The following NFIA variants were observed in gnomAD, a reference collection of about 807,000 sequenced individuals.
NFIA encodes nuclear factor 1 A-type.
Under a neutral mutation model 62.8 loss-of-function variants are expected in NFIA, and 8 were observed. The observed-to-expected ratio is 0.13, with a 90% CI of 0.07 to 0.23. The LOEUF (loss-of-function observed/expected upper bound fraction) is 0.23, where lower values mean the gene tolerates loss of function less well. NFIA is among the 10% of genes least tolerant of loss of function. The pLI is 1.00. For synonymous variants in NFIA, 235 were observed against 238.1 expected (o/e 0.99, Z 0.12); for missense variants, 410 against 642.1 (o/e 0.64, Z 3.91).
chr1:61,345,929 G>A (rs1662206207), intron 4 of NFIA, among the ~76,000 whole-genome samples: 1 of 152,154 alleles, frequency 6.6e-6, no homozygotes, highest in Admixed American at 6.5e-5. Context: ...GGTGATGGTG[G>A]CAGCAGTGGT....
At chr1:61,124,504 G>A (rs530782416) in intron 2 of NFIA, among the ~76,000 whole-genome samples, 88 of 152,242 alleles carry the variant, frequency 5.8e-4, no homozygotes, top group South Asian at 1.2e-3. Flanking sequence ...CATGCAAGAG[G>A]AGCAGGCATT....
At chr1:61,104,534 T>C (rs1425849725) in intron 2 of NFIA, among the ~76,000 whole-genome samples, 1 of 152,038 alleles carries the variant, frequency 6.6e-6, no homozygotes, top group Non-Finnish European at 1.5e-5. Flanking sequence ...TGATTGTAGG[T>C]AACATAAGCC....
chr1:61,422,484 T>C (rs892388226), intron 9 of NFIA, among the ~76,000 whole-genome samples: 6 of 152,170 alleles, frequency 3.9e-5, no homozygotes, highest in Non-Finnish European at 5.9e-5. Context: ...TTTGCAGATA[T>C]ATCCCTTATA....
intron 2 of NFIA, among the ~76,000 whole-genome samples, chr1:61,179,857 C>A (rs1344502367): frequency 6.6e-6 from 1 of 152,046 alleles, no homozygotes; most frequent in Non-Finnish European, 1.5e-5. Flanking sequence ...GATTTACAAC[C>A]CCATATATCA....
intron 7 of NFIA, among the ~76,000 whole-genome samples, chr1:61,400,300 A>G (rs1182844544): frequency 1.3e-5 from 2 of 152,138 alleles, no homozygotes; most frequent in African/African-American, 4.8e-5. Flanking sequence ...CATCTTATTT[A>G]TATTCTTTGT....
intron 10 of NFIA, among the ~76,000 whole-genome samples, chr1:61,445,993 T>A (rs1667792453): frequency 6.6e-6 from 1 of 151,718 alleles, no homozygotes; most frequent in South Asian, 2.1e-4. Flanking sequence ...CAGTTTTACC[T>A]CTCCCAATAT....
rs78020769 is a variant in NFIA, at chr1:61,112,295, C to G, written c.559+23615C>G. Among the ~76,000 whole-genome samples, 50 of 152,136 alleles carry G rather than the reference C, an allele frequency of 3.3e-4. 1 individual carries two copies. The East Asian group carries it at 9.5e-3, about 29-fold the overall frequency. On this transcript the variant is annotated intron_variant, in intron 2 of 10. Transcript: ENST00000403491. ...TAGTATACTTTTAAAATTGAACACA[C>G]ACAACACTTTGGTTCCTAAAGTAAT...
chr1:61,087,001 G>A lies in NFIA; in HGVS notation c.28-1148G>A, dbSNP rs540161425. The stretch of plus-strand genomic sequence containing the variant: ...GGGTTATGTGGCAGAGAGAAGTTAT[G>A]TAACAGTGTGGATTAGTTAATCAAA... On this transcript the variant is annotated intron_variant, in intron 1 of 10. Coordinates refer to ENST00000403491, the MANE Select transcript of NFIA (RefSeq NM_001134673.4). Among the ~76,000 whole-genome samples the A allele has an allele frequency of 1.4e-3, 212 of 152,248 alleles. 2 individuals are homozygous for A. In the Middle Eastern group the frequency reaches 0.017, roughly 12 times the overall value.
chr1:61,277,758 G>A (rs1164083836), intron 3 of NFIA, among the ~76,000 whole-genome samples, 173 bp downstream of exon 3: 1 of 151,986 alleles, frequency 6.6e-6, no homozygotes, highest in African/African-American at 2.4e-5. Context: ...TCTTGTTCTC[G>A]GGATCACCCC....
chr1:61,325,155 A>G (rs1660867634), intron 3 of NFIA, among the ~76,000 whole-genome samples: 1 of 152,168 alleles, frequency 6.6e-6, no homozygotes, highest in African/African-American at 2.4e-5. Context: ...TCAAAATGTA[A>G]ATCTTGGGAC....
chr1:61,160,312 A>G (rs1307194270), intron 2 of NFIA, among the ~76,000 whole-genome samples: 1 of 152,242 alleles, frequency 6.6e-6, no homozygotes, highest in Non-Finnish European at 1.5e-5. Flanking sequence ...TTAGATTCCT[A>G]GCCCCTTCCG....
At chr1:61,279,032 G>GAC (rs1657981027) in intron 3 of NFIA, among the ~76,000 whole-genome samples, 1 of 152,112 alleles carries the variant, frequency 6.6e-6, no homozygotes, top group African/African-American at 2.4e-5. Context: ...GGTTCATTAT[G>GAC]ACTTTTATTA....
At chr1:61,156,672 C>G (rs1478394603) in intron 2 of NFIA, among the ~76,000 whole-genome samples, 2 of 152,146 alleles carry the variant, frequency 1.3e-5, no homozygotes, top group Non-Finnish European at 2.9e-5. Flanking sequence ...TGACTGGTCC[C>G]CAGTGCCCTG....
At chr1:61,143,119 G>A (rs1647663950) in intron 2 of NFIA, among the ~76,000 whole-genome samples, 1 of 152,148 alleles carries the variant, frequency 6.6e-6, no homozygotes, top group Non-Finnish European at 1.5e-5. Context: ...AGAAGAACAA[G>A]CTTTTTGGGG....
intron 2 of NFIA, among the ~76,000 whole-genome samples, chr1:61,161,814 A>G (rs1200923395): frequency 6.6e-6 from 1 of 152,196 alleles, no homozygotes; most frequent in Non-Finnish European, 1.5e-5. Flanking sequence ...GGTGTTCACT[A>G]TATTGGAACG....
intron 2 of NFIA, among the ~76,000 whole-genome samples, chr1:61,108,156 T>A (rs1646636352): frequency 6.6e-6 from 1 of 151,718 alleles, no homozygotes; most frequent in Admixed American, 6.6e-5. Flanking sequence ...ATGGCATTAC[T>A]TTGTCAAGTT....
rs370941671 is a variant in NFIA at position 61,287,632 on chromosome 1, C to T, written c.625+10047C>T. On this transcript the variant is annotated intron_variant, in intron 3 of 10. Coordinates refer to ENST00000403491, the MANE Select transcript of NFIA (RefSeq NM_001134673.4). ...CCAGCCTGGGCAACATGGCAAAACC[C>T]GTGACAGAGCAAGACTGTCCCCAAC... 7.9e-5 allele frequency among the ~76,000 whole-genome samples: 12 copies of T among 152,004 alleles called. No homozygotes were observed. The East Asian group carries it at 1.7e-3, about 22-fold the overall frequency.
At chr1:61,328,428 A>T (rs1035557480) in intron 3 of NFIA, among the ~76,000 whole-genome samples, 17 of 32,816 alleles carry the variant, frequency 5.2e-4, no homozygotes, top group African/African-American at 1.9e-3. Flanking sequence ...TTATATATAT[A>T]TATTTTTTTC....
chr1:61,197,186 C>T (rs1557629880), intron 2 of NFIA, among the ~76,000 whole-genome samples: 1 of 150,330 alleles, frequency 6.7e-6, no homozygotes, highest in African/African-American at 2.5e-5. Context: ...AGATTTCCCA[C>T]AGAGTTGTAG....
Sources: gnomAD v4.1 joint callset for allele counts (sites outside exome capture counted in the v4.1 genomes callset) on GRCh38, gnomAD v4.1.1 for gene constraint, MANE v1.5 for transcripts, NCBI Gene and HGNC (gene_info 2026-07-23, HGNC 2026-07-21) for gene names.